ZNF423: variants seen among roughly 807,000 people sequenced by gnomAD.
The protein encoded by ZNF423 is zinc finger protein 423.
Under a neutral mutation model 95.8 loss-of-function variants are expected in ZNF423, and 12 were observed. That is an observed-to-expected ratio of 0.13 (90% CI 0.08 to 0.20). The LOEUF (loss-of-function observed/expected upper bound fraction) is 0.20. ZNF423 is among the 10% of genes least tolerant of loss of function. ZNF423 has a pLI of 1.00. For synonymous variants in ZNF423, 749 were observed against 711.9 expected (o/e 1.05, Z -0.83); for missense variants, 1,316 against 1,737.1 (o/e 0.76, Z 4.31).
chr16:49,703,584 G>A (rs1252233020), intron 3 of ZNF423, among the ~76,000 whole-genome samples: 4 of 152,252 alleles, frequency 2.6e-5, no homozygotes, highest in African/African-American at 9.6e-5. Flanking sequence ...AGAGAAGGGT[G>A]CAAGATTCCA....
chr16:49,698,782 G>A (rs937286613), intron 3 of ZNF423, among the ~76,000 whole-genome samples: 1 of 152,216 alleles, frequency 6.6e-6, no homozygotes, highest in African/African-American at 2.4e-5. Flanking sequence ...CCGCGCTGCC[G>A]AGCCCGGCCG....
At chr16:49,503,786 G>A (rs16947530) in intron 7 of ZNF423, among the ~76,000 whole-genome samples, 29,117 of 152,094 alleles carry the variant, frequency 0.19, 3,311 homozygotes, top group African/African-American at 0.32. Flanking sequence ...CAGAGCCTGT[G>A]CTTGGTAAAA....
At chr16:49,491,938 TG>T (rs1048122012) in intron 7 of ZNF423, among the ~76,000 whole-genome samples, 1 of 152,156 alleles carries the variant, frequency 6.6e-6, no homozygotes, top group Non-Finnish European at 1.5e-5. Context: ...CCTGCCTGCT[TG>T]GTCACATGGC....
intron 5 of ZNF423, among the ~76,000 whole-genome samples, chr16:49,554,166 G>A (rs561310084): frequency 6.6e-6 from 1 of 152,230 alleles, no homozygotes; most frequent in African/African-American, 2.4e-5. Flanking sequence ...CAACTTTACA[G>A]ACCCCACACC....
At chr16:49,574,217 C>G (rs1186693276) in intron 5 of ZNF423, among the ~76,000 whole-genome samples, 1 of 152,094 alleles carries the variant, frequency 6.6e-6, no homozygotes, top group Non-Finnish European at 1.5e-5. Context: ...GACCCGCTGT[C>G]TACACAAAAT....
At chr16:49,786,529 A>G (rs993243572) in intron 2 of ZNF423, among the ~76,000 whole-genome samples, 2 of 152,204 alleles carry the variant, frequency 1.3e-5, no homozygotes, top group South Asian at 2.1e-4. Context: ...GCCCAGGGAC[A>G]TTGGGGGCCT....
chr16:49,802,165 C>A lies in ZNF423; in HGVS notation c.41-12619G>T, dbSNP rs117970853. On this transcript the variant is annotated intron_variant, in intron 1 of 7. Coordinates refer to ENST00000563137, the MANE Select transcript of ZNF423 (RefSeq NM_001379286.1). Reference sequence around the variant, plus strand: ...GCCCAGCTGGGAGTAGAATTCTTAACCCCTTGATTTTACTTCGGCCTCCAA... The same window carrying A: ...GCCCAGCTGGGAGTAGAATTCTTAAACCCTTGATTTTACTTCGGCCTCCAA... Among the ~76,000 whole-genome samples the A allele has an allele frequency of 3.0e-4, 46 of 152,170 alleles. No individual in the cohort carries two copies. The East Asian group carries it at 8.5e-3, about 28-fold the overall frequency.
chr16:49,722,745 T>G (rs915666282), intron 3 of ZNF423, among the ~76,000 whole-genome samples: 1 of 152,168 alleles, frequency 6.6e-6, no homozygotes, highest in African/African-American at 2.4e-5. Context: ...AAACATTCCT[T>G]GAGCACCTAC....
intron 1 of ZNF423, among the ~76,000 whole-genome samples, chr16:49,809,364 G>A (rs770076372): frequency 6.6e-6 from 1 of 152,200 alleles, no homozygotes; most frequent in Non-Finnish European, 1.5e-5. Context: ...GGCATAGGCT[G>A]CAGTGGTCCC....
intron 5 of ZNF423, among the ~76,000 whole-genome samples, chr16:49,583,139 A>G (rs1410135459): frequency 6.6e-6 from 1 of 152,206 alleles, no homozygotes; most frequent in African/African-American, 2.4e-5. Flanking sequence ...GCAATTTTGG[A>G]CACTAGCAAA....
chr16:49,788,232 C>A (rs1019945652), intron 2 of ZNF423, among the ~76,000 whole-genome samples: 2 of 152,206 alleles, frequency 1.3e-5, no homozygotes, highest in African/African-American at 4.8e-5. Context: ...CAACCAGGAC[C>A]CTGGAGACTC....
chr16:49,555,958 C>T (rs1023352888), intron 5 of ZNF423, among the ~76,000 whole-genome samples: 3 of 152,092 alleles, frequency 2.0e-5, no homozygotes, highest in African/African-American at 7.2e-5. Flanking sequence ...CCCAATGCCT[C>T]AGCACTGGAG....
At chr16:49,615,443 T>C (rs377735992) in intron 5 of ZNF423, among the ~76,000 whole-genome samples, 28 of 152,208 alleles carry the variant, frequency 1.8e-4, no homozygotes, top group African/African-American at 6.3e-4. Context: ...AGGAGGGTTC[T>C]GGAGCCCCCA....
chr16:49,508,814 C>T (rs751148978), intron 7 of ZNF423, among the ~76,000 whole-genome samples: 8 of 152,136 alleles, frequency 5.3e-5, no homozygotes, highest in East Asian at 1.9e-4. Flanking sequence ...CCTTCCACCA[C>T]GCTTCCCACC....
chr16:49,629,809 A>C (rs1341838539), intron 4 of ZNF423, among the ~76,000 whole-genome samples: 1 of 152,202 alleles, frequency 6.6e-6, no homozygotes, highest in Non-Finnish European at 1.5e-5. Context: ...TGACAAAGAG[A>C]ACCAAAGATG....
At chr16:49,766,068 G>C (rs2033923521) in intron 2 of ZNF423, among the ~76,000 whole-genome samples, 1 of 152,156 alleles carries the variant, frequency 6.6e-6, no homozygotes, top group Non-Finnish European at 1.5e-5. Flanking sequence ...AAATGGTTAT[G>C]ATAGTAAATT....
intron 5 of ZNF423, among the ~76,000 whole-genome samples, chr16:49,581,617 A>T (rs1476578161): frequency 2.0e-5 from 3 of 152,192 alleles, no homozygotes; most frequent in Non-Finnish European, 4.4e-5. Context: ...AATTGTAGTT[A>T]AAAATTTAGC....
intron 1 of ZNF423, among the ~76,000 whole-genome samples, chr16:49,839,316 T>C (rs2035157873): frequency 6.6e-6 from 1 of 151,884 alleles, no homozygotes; most frequent in African/African-American, 2.4e-5. Flanking sequence ...CAGCCCTGGC[T>C]TGGAGAAGGG....
chr16:49,824,976 C>T (rs529960728), intron 1 of ZNF423, among the ~76,000 whole-genome samples: 168 of 152,298 alleles, frequency 1.1e-3, no homozygotes, highest in Non-Finnish European at 1.6e-3. Context: ...CTAAACAAAT[C>T]AAATCACTGT....
Sources: gnomAD v4.1 joint callset for allele counts (sites outside exome capture counted in the v4.1 genomes callset) on GRCh38, gnomAD v4.1.1 for gene constraint, MANE v1.5 for transcripts, NCBI Gene and HGNC (gene_info 2026-07-23, HGNC 2026-07-21) for gene names.